The following CCRL2 variants were observed in gnomAD, a reference collection of about 807,000 sequenced individuals.
CCRL2 encodes C-C chemokine receptor-like 2.
For synonymous variants in CCRL2, 181 were observed against 165.6 expected, an observed-to-expected ratio of 1.09 and a Z score of -0.71; for missense variants, 451 against 412.4, an observed-to-expected ratio of 1.09 and a Z score of -0.81.
In CCRL2 at chr3:46,408,740, G is replaced by T; in HGVS notation, c.661G>T (p.Val221Leu). The T allele has an allele frequency of 6.2e-7, 1 of 1,614,070 alleles. No individual in the cohort carries two copies. The highest frequency in any genetic ancestry group is 8.5e-7 in the Non-Finnish European group (1 of 1,180,018). The change falls in exon 2 of 2, where the codon GTG (valine) becomes TTG (leucine). Residue 221 changes from valine to leucine, a missense_variant. By Grantham distance (32) the Val-to-Leu change is conservative (BLOSUM62 1). Coordinates refer to ENST00000399036, the MANE Select transcript of CCRL2 (RefSeq NM_003965.5). The stretch of plus-strand genomic sequence containing the variant: ...CCTATTTATTTTTACATTTCTCTAT[G>T]TGCAAATGAGAAAAACACTAAGGTT... ...LPLFIFTFLY[V>L]QMRKTLRFRE...
Position 46,408,707 on chromosome 3 carries a change from G to A in CCRL2, c.628G>A (p.Val210Ile). ...LTLKMNISVL[V>I]LPLFIFTFLY... ...TTTAAAAATGAACATTTCGGTTCTTGTCCTCCCCCTATTTATTTTTACATT... is the reference window on the plus strand; with the variant it reads ...TTTAAAAATGAACATTTCGGTTCTTATCCTCCCCCTATTTATTTTTACATT... The change falls in exon 2 of 2, where the codon GTC becomes ATC. Residue 210 changes from valine (V) to isoleucine (I), a missense_variant. Val to Ile is a conservative substitution (Grantham distance 29). Coordinates refer to ENST00000399036, the MANE Select transcript of CCRL2 (RefSeq NM_003965.5). The A allele has an allele frequency of 6.2e-7, 1 of 1,614,144 alleles. No individual in the cohort carries two copies.
chr3:46,408,095 C>T lies in CCRL2; in HGVS notation c.16C>T (p.Leu6=). The part of the protein sequence containing the change: MANYT[L]APEDEYDVLI... ...CAGTCTGAAGATGGCCAATTACACG[C>T]TGGCACCAGAGGATGAATATGATGT... The change falls in exon 2 of 2, where the codon CTG becomes TTG. Residue 6 remains leucine (L), a synonymous_variant. Coordinates refer to ENST00000399036, the MANE Select transcript of CCRL2 (RefSeq NM_003965.5). 4 of 1,580,618 alleles carry T rather than the reference C, an allele frequency of 2.5e-6. No homozygotes were observed. In the East Asian group the frequency reaches 9.1e-5, roughly 36 times the overall value.
Position 46,408,089 on chromosome 3 carries a change from T to G in CCRL2, c.10T>G (p.Tyr4Asp). MAN[Y>D]TLAPEDEYDV... ...ACAGGGCAGTCTGAAGATGGCCAATTACACGCTGGCACCAGAGGATGAATA... is the reference window on the plus strand; with the variant it reads ...ACAGGGCAGTCTGAAGATGGCCAATGACACGCTGGCACCAGAGGATGAATA... Residue 4 changes from tyrosine to aspartate, a missense_variant, in exon 2 of 2, where the codon TAC (tyrosine) becomes GAC (aspartate). Physicochemically the swap from Tyr to Asp is radical, Grantham distance 160. Coordinates refer to ENST00000399036, the MANE Select transcript of CCRL2 (RefSeq NM_003965.5). The G allele has an allele frequency of 1.3e-6, 2 of 1,575,272 alleles. No homozygotes were observed. The highest frequency in any genetic ancestry group is 1.7e-6 in the Non-Finnish European group (2 of 1,160,204).
Position 46,409,111 on chromosome 3 carries a change from G to A in CCRL2, c.1032G>A (p.Val344=), listed in dbSNP as rs1226451342. ...SREEPDHSTE[V] is the part of the protein sequence containing the mutation. ...AAGAACCTGACCATTCCACCGAAGT[G>A]TAAACTAGCATCCACCAAATGCAAG... The change falls in exon 2 of 2, where the codon GTG becomes GTA. Residue 344 remains valine (V), a synonymous_variant. Coordinates refer to ENST00000399036, the MANE Select transcript of CCRL2 (RefSeq NM_003965.5). 12 of 1,603,824 alleles carry A rather than the reference G, an allele frequency of 7.5e-6. No homozygotes were observed. The highest frequency in any genetic ancestry group is 1.3e-5 in the African/African-American group (1 of 74,676).
In CCRL2 at chr3:46,408,715, C is replaced by T. The variant is rs1279629323; in HGVS notation, c.636C>T (p.Pro212=). ...TGAACATTTCGGTTCTTGTCCTCCC[C>T]CTATTTATTTTTACATTTCTCTATG... ...LKMNISVLVL[P]LFIFTFLYVQ... Residue 212 remains proline, a synonymous_variant, in exon 2 of 2, where the codon CCC becomes CCT. Transcript: ENST00000399036. 6.2e-7 allele frequency: 1 copy of T among 1,613,968 alleles called. No homozygotes were observed. Among genetic ancestry groups the T allele is most frequent in the Non-Finnish European group, 8.5e-7 (1 of 1,180,034 alleles).
chr3:46,408,460 A>G lies in CCRL2; in HGVS notation c.381A>G (p.Gln127=), dbSNP rs1702087141. 6.2e-7 allele frequency: 1 copy of G among 1,614,062 alleles called. No individual in the cohort carries two copies. The highest frequency in any genetic ancestry group is 1.3e-5 in the African/African-American group (1 of 74,896). ...TTTTCAATTGCCTTCTGACTGTGCA[A>G]AGGTACCTAGTGTTTTTGCACAAGG... is the stretch of plus-strand genomic sequence containing the variant. ...ETFFNCLLTV[Q]RYLVFLHKGN... is the part of the protein sequence containing the mutation. The change falls in exon 2 of 2, where the codon CAA becomes CAG. Residue 127 remains glutamine, a synonymous_variant. Coordinates refer to ENST00000399036, the MANE Select transcript of CCRL2 (RefSeq NM_003965.5).
Position 46,408,781 on chromosome 3 carries a change from TAGCCTTTTCA to T in CCRL2, c.706_715del (p.Lys238LeufsTer3), listed in dbSNP as rs1559580195. 1 of 1,614,238 alleles carries T rather than the reference TAGCCTTTTCA, an allele frequency of 6.2e-7. No homozygotes were observed. Among genetic ancestry groups the T allele is most frequent in the Non-Finnish European group, 8.5e-7 (1 of 1,180,032 alleles). ...CACTAAGGTTCAGGGAGCAGAGGTA[TAGCCTTTTCA>T]AGCTTGTTTTTGCCATAATGGTAGT... On this transcript the variant is annotated frameshift_variant, in exon 2 of 2. Coordinates refer to ENST00000399036, the MANE Select transcript of CCRL2 (RefSeq NM_003965.5). LOFTEE classifies it low-confidence loss of function (END_TRUNC).
At chr3:46,407,590 A>G in intron 1 of CCRL2, 88 bp downstream of exon 1, 1 of 1,138,532 alleles carries the variant, frequency 8.8e-7, no homozygotes, top group Non-Finnish European at 1.3e-6. Context: ...ACATTTATTT[A>G]TACCCTTCGA....
At chr3:46,407,598 C>G in intron 1 of CCRL2, 96 bp downstream of exon 1, 3 of 1,245,198 alleles carry the variant, frequency 2.4e-6, no homozygotes, top group Non-Finnish European at 3.4e-6. Context: ...TTATACCCTT[C>G]GAGAGAAAAA....
chr3:46,407,799 G>A (rs1026290262), intron 1 of CCRL2: 27 of 963,520 alleles, frequency 2.8e-5, no homozygotes, highest in Admixed American at 2.2e-4. Context: ...CTACCAAGGC[G>A]GTGTCATGCC....
In CCRL2 at chr3:46,408,368, G is replaced by A. The variant is rs1702080757; in HGVS notation, c.289G>A (p.Ala97Thr). ...FLLTLPFWAH[A>T]GGDPMCKILI... ...GCTTACCCTGCCCTTCTGGGCTCAT[G>A]CTGGGGGCGATCCCATGTGTAAAAT... Residue 97 changes from alanine (A) to threonine (T), a missense_variant, in exon 2 of 2, where the codon GCT becomes ACT. Ala to Thr is a moderately conservative substitution (Grantham distance 58). Coordinates refer to ENST00000399036, the MANE Select transcript of CCRL2 (RefSeq NM_003965.5). 6.2e-7 allele frequency: 1 copy of A among 1,614,204 alleles called. No homozygotes were observed. Among genetic ancestry groups the A allele is most frequent in the Non-Finnish European group, 8.5e-7 (1 of 1,180,018 alleles).
chr3:46,407,591 T>C, intron 1 of CCRL2, 89 bp downstream of exon 1: 1 of 1,145,234 alleles, frequency 8.7e-7, no homozygotes, highest in South Asian at 1.4e-5. Flanking sequence ...CATTTATTTA[T>C]ACCCTTCGAG....
rs540574541 is a variant in CCRL2, at chr3:46,408,555, C to T, written c.476C>T (p.Ala159Val). 1.2e-6 allele frequency: 2 copies of T among 1,614,130 alleles called. No individual in the cohort carries two copies. Among genetic ancestry groups the T allele is most frequent in the East Asian group, 2.2e-5 (1 of 44,876 alleles). The change falls in exon 2 of 2, where the codon GCC (alanine) becomes GTC (valine). Residue 159 changes from alanine to valine, a missense_variant. Transcript: ENST00000399036. ...ACAAGTGTCCTGGCATGGGTAACAG[C>T]CATTCTGGCCACTTTGCCTGAATTC... ...IITSVLAWVTAILATLPEFVV... is the reference protein window; with the variant it reads ...IITSVLAWVTVILATLPEFVV...
chr3:46,408,000 C>T lies in CCRL2; in HGVS notation c.-12-68C>T, dbSNP rs535229965. The T allele has an allele frequency of 9.2e-5, 108 of 1,178,798 alleles. 1 individual carries two copies. The South Asian group carries it at 1.6e-3, about 17-fold the overall frequency. 73.0% of individuals were successfully genotyped at this position (1,178,798 alleles called of 1,614,324 possible). ...AAAGTGGGGCTGTATGAATCCAGGT[C>T]CAGTTTGTTGTTTCCTCCAGGATAA... is the stretch of plus-strand genomic sequence containing the variant. On this transcript the variant is annotated intron_variant, in intron 1 of 1. Transcript: ENST00000399036.
rs35212534 is a variant in CCRL2 at position 46,409,336 on chromosome 3, G to A, written c.*222G>A. The A allele has an allele frequency of 1.8e-6, 1 of 554,868 alleles. No homozygotes were observed. The highest frequency in any genetic ancestry group is 3.3e-6 in the Non-Finnish European group (1 of 306,372). The allele number at this position is 554,868 out of a possible 1,614,324, so 34.4% of individuals were successfully genotyped here. ...TACCACTTGTCCATAGTGTGGATAG[G>A]ACTAGTCTCATTTCTCTGAGAAGAA... On this transcript the variant is annotated 3_prime_UTR_variant, in exon 2 of 2. Coordinates refer to ENST00000399036, the MANE Select transcript of CCRL2 (RefSeq NM_003965.5).
Position 46,408,517 on chromosome 3 carries a change from CTGTGGCATCATTACAAGTGTCCTGGCA to C in CCRL2, c.441_467del (p.Cys147_Ala155del). ...TTTTCTCAGCCAGGAGGAGGGTGCC[CTGTGGCATCATTACAAGTGTCCTGGCA>C]TGGGTAACAGCCATTCTGGCCACTT... On this transcript the variant is annotated inframe_deletion, in exon 2 of 2. Coordinates refer to ENST00000399036, the MANE Select transcript of CCRL2 (RefSeq NM_003965.5). 6.2e-7 allele frequency: 1 copy of C among 1,614,182 alleles called. No homozygotes were observed. Among genetic ancestry groups the C allele is most frequent in the Non-Finnish European group, 8.5e-7 (1 of 1,180,028 alleles).
Position 46,408,611 on chromosome 3 carries a change from A to T in CCRL2, c.532A>T (p.Lys178Ter), listed in dbSNP as rs757175225. Residue 178 changes from lysine to a stop codon, truncating the protein, a stop_gained, in exon 2 of 2, where the codon AAA becomes TAA. Coordinates refer to ENST00000399036, the MANE Select transcript of CCRL2 (RefSeq NM_003965.5). LOFTEE classifies it low-confidence loss of function (END_TRUNC). ...TTATAAACCTCAGATGGAAGACCAG[A>T]AATACAAGTGTGCATTTAGCAGAAC... The part of the protein sequence containing the change: ...VVYKPQMEDQ[K>*]YKCAFSRTPF... 8.7e-6 allele frequency: 14 copies of T among 1,614,018 alleles called. No individual in the cohort carries two copies. Among genetic ancestry groups the T allele is most frequent in the Non-Finnish European group, 1.1e-5 (13 of 1,179,992 alleles).
At position 46,409,508 on chromosome 3, in the gene CCRL2, T is replaced by C; in HGVS notation, c.*394T>C. The C allele has an allele frequency of 5.6e-6, 1 of 180,002 alleles. No individual in the cohort carries two copies. The highest frequency in any genetic ancestry group is 1.5e-4 in the East Asian group (1 of 6,476). The allele number at this position is 180,002 out of a possible 1,614,324, so 11.2% of individuals were successfully genotyped here. A position where few individuals can be genotyped will look rare whatever the true frequency, so the allele number is the denominator to read the frequency against. ...GGGGACAAACGACATGAAATAAATG[T>C]ATTTTAAAACATCTATTTAATGTAT... is the stretch of plus-strand genomic sequence containing the variant. On this transcript the variant is annotated 3_prime_UTR_variant, in exon 2 of 2. Coordinates refer to ENST00000399036, the MANE Select transcript of CCRL2 (RefSeq NM_003965.5).
chr3:46,409,026 A>G lies in CCRL2; in HGVS notation c.947A>G (p.His316Arg), dbSNP rs759504134. 4.3e-6 allele frequency: 7 copies of G among 1,614,096 alleles called. No homozygotes were observed. The African/African-American group carries it at 6.7e-5, about 15-fold the overall frequency. The change falls in exon 2 of 2, where the codon CAT becomes CGT. Residue 316 changes from histidine (H) to arginine (R), a missense_variant. Coordinates refer to ENST00000399036, the MANE Select transcript of CCRL2 (RefSeq NM_003965.5). ...TFSKYLCRCF[H>R]LRSNTPLQPR... ...AGCAAATACCTCTGCCGCTGTTTCC[A>G]TCTGCGTAGTAACACCCCACTTCAA... is the stretch of plus-strand genomic sequence containing the variant.
Sources: gnomAD v4.1 joint callset for allele counts on GRCh38, gnomAD v4.1.1 for gene constraint, MANE v1.5 for transcripts, NCBI Gene and HGNC (gene_info 2026-07-23, HGNC 2026-07-21) for gene names.